Variants in CMTM4 observed in about 807,000 individuals in gnomAD.
CMTM4 encodes the protein CKLF like MARVEL transmembrane domain containing 4.
CMTM4 carries 8 observed loss-of-function variants against 19.0 expected under a neutral mutation model. The observed-to-expected ratio is 0.42, with a 90% CI of 0.25 to 0.76. The LOEUF (loss-of-function observed/expected upper bound fraction) is 0.76. Among genes scored for constraint, CMTM4 ranks in the 30% least tolerant of loss-of-function variants. The probability of loss-of-function intolerance (pLI) is 0.27; values close to 1 mark genes in which losing one functional copy is unlikely to be tolerated. For synonymous variants in CMTM4, 106 were observed against 121.1 expected (o/e 0.88, Z 0.82); for missense variants, 228 against 290.2 (o/e 0.79, Z 1.56).
At chr16:66,610,153 G>A (rs1447782622), downstream of CMTM4, 3 of 968,972 alleles carry the variant, frequency 3.1e-6, no homozygotes, top group Non-Finnish European at 4.6e-6. The surrounding 1 kb of genome is among the most constrained non-coding windows in gnomAD (Gnocchi z 4.6). Flanking sequence ...CTACCCTCAT[G>A]CAGCACTGAT....
At chr16:66,682,799 G>A (rs1190542542) in intron 1 of CMTM4, among the ~76,000 whole-genome samples, 1 of 151,806 alleles carries the variant, frequency 6.6e-6, no homozygotes, top group Non-Finnish European at 1.5e-5. Flanking sequence ...TGCCTGAAAA[G>A]TGTCTCTTGA....
At chr16:66,613,132 A>G (rs1469716598), downstream of CMTM4, 2 of 703,010 alleles carry the variant, frequency 2.8e-6, no homozygotes, top group Non-Finnish European at 5.2e-6. Context: ...GACCCTTCCA[A>G]GAATCTTTGG....
At chr16:66,631,005 G>A (rs2015849516) in intron 2 of CMTM4, among the ~76,000 whole-genome samples, 1 of 151,458 alleles carries the variant, frequency 6.6e-6, no homozygotes, top group African/African-American at 2.4e-5. Flanking sequence ...TGAGAAGTGA[G>A]GAGACCCTCC....
At chr16:66,686,351 C>T (rs112753431) in intron 1 of CMTM4, among the ~76,000 whole-genome samples, 6,439 of 151,520 alleles carry the variant, frequency 0.042, 255 homozygotes, top group East Asian at 0.15. Flanking sequence ...CACTTGAGCT[C>T]AGGAGTTCGA....
intron 1 of CMTM4, among the ~76,000 whole-genome samples, chr16:66,688,080 G>T (rs1302302529): frequency 1.3e-5 from 2 of 152,174 alleles, no homozygotes; most frequent in Non-Finnish European, 2.9e-5. Flanking sequence ...GTATCTGAGT[G>T]AGGGCCCATT....
chr16:66,611,539 C>T (rs1354629608), downstream of CMTM4, among the ~76,000 whole-genome samples: 1 of 152,128 alleles, frequency 6.6e-6, no homozygotes, highest in Non-Finnish European at 1.5e-5. Flanking sequence ...GGTTTAGGGA[C>T]TAGGCTGCCC....
chr16:66,676,816 C>T (rs905137622), intron 1 of CMTM4, among the ~76,000 whole-genome samples: 1 of 152,210 alleles, frequency 6.6e-6, no homozygotes, highest in African/African-American at 2.4e-5. Flanking sequence ...CTCTGCCATG[C>T]AGATGTTTAT....
chr16:66,640,897 G>A (rs139319633), intron 1 of CMTM4, among the ~76,000 whole-genome samples: 9 of 152,210 alleles, frequency 5.9e-5, no homozygotes, highest in East Asian at 1.9e-4. Context: ...TGAACAAGCC[G>A]TCTTAGACAT....
At chr16:66,609,784 T>C (rs2015305022), downstream of CMTM4, 2 of 1,611,880 alleles carry the variant, frequency 1.2e-6, no homozygotes, top group Non-Finnish European at 1.7e-6. This position sits in a 1 kb window ranked among gnomAD's most constrained non-coding sequence, Gnocchi z 4.4. Context: ...ACTCGGGCTG[T>C]TTGTCCAAGC....
the CMTM4 span, among the ~76,000 whole-genome samples, chr16:66,606,819 C>A: frequency 2.6e-5 from 4 of 152,158 alleles, no homozygotes; most frequent in Non-Finnish European, 4.4e-5. Flanking sequence ...ATGGTGAAAC[C>A]CTGTCTCTAC....
At chr16:66,640,104 A>T (rs1319920969) in intron 1 of CMTM4, among the ~76,000 whole-genome samples, 1 of 151,940 alleles carries the variant, frequency 6.6e-6, no homozygotes, top group Non-Finnish European at 1.5e-5. Flanking sequence ...CGGGTGGATC[A>T]CATGAGGTCA....
chr16:66,663,794 G>A (rs2016543248), intron 1 of CMTM4, among the ~76,000 whole-genome samples: 1 of 151,816 alleles, frequency 6.6e-6, no homozygotes, highest in African/African-American at 2.4e-5. Flanking sequence ...ACCCACCTCG[G>A]CCTCCCAAAG....
intron 2 of CMTM4, among the ~76,000 whole-genome samples, chr16:66,629,644 G>T (rs141873032): frequency 3.3e-5 from 5 of 152,280 alleles, no homozygotes; most frequent in African/African-American, 1.2e-4. Context: ...TGGGAAGAGG[G>T]TGGTAGACAG....
At chr16:66,607,026 G>A in the CMTM4 span, among the ~76,000 whole-genome samples, 1 of 152,188 alleles carries the variant, frequency 6.6e-6, no homozygotes, top group Non-Finnish European at 1.5e-5. Context: ...TATCTGGGGG[G>A]TCAGCCAGCC....
chr16:66,641,125 A>G (rs1384944851), intron 1 of CMTM4, among the ~76,000 whole-genome samples: 2 of 152,178 alleles, frequency 1.3e-5, no homozygotes, highest in Admixed American at 1.3e-4. Context: ...GCTCACTGCA[A>G]CCTTGAACTC....
chr16:66,675,477 A>C (rs930926309), intron 1 of CMTM4, among the ~76,000 whole-genome samples: 3 of 148,914 alleles, frequency 2.0e-5, no homozygotes, highest in Admixed American at 6.7e-5. Context: ...AAAAAAAAAA[A>C]CCTGCAGGCC....
chr16:66,688,932 A>G (rs1181620104), intron 1 of CMTM4, among the ~76,000 whole-genome samples: 2 of 151,992 alleles, frequency 1.3e-5, no homozygotes, highest in African/African-American at 4.8e-5. Flanking sequence ...TTTTTGTTTT[A>G]ATTTCCAATG....
chr16:66,652,046 C>G (rs1348519443), intron 1 of CMTM4, among the ~76,000 whole-genome samples: 1 of 152,184 alleles, frequency 6.6e-6, no homozygotes, highest in African/African-American at 2.4e-5. Context: ...TCTGGAAGGG[C>G]AGAGATGGCC....
chr16:66,681,315 TC>T (rs1323496644), intron 1 of CMTM4, among the ~76,000 whole-genome samples: 2 of 150,886 alleles, frequency 1.3e-5, no homozygotes, highest in African/African-American at 4.9e-5. Context: ...TCCTATTAAA[TC>T]TTTTTTTTTT....
Sources: allele counts gnomAD v4.1 joint callset (sites outside exome capture counted in the v4.1 genomes callset), GRCh38; gene constraint gnomAD v4.1.1; non-coding constraint Gnocchi (gnomAD v3.1); transcripts MANE v1.5; gene names NCBI Gene and HGNC (gene_info 2026-07-23, HGNC 2026-07-21).